The following AFF4 variants were observed in gnomAD, a reference collection of about 807,000 sequenced individuals.
AFF4 encodes AF4/FMR2 family member 4.
A neutral mutation model predicts 124.8 loss-of-function variants in AFF4; 13 were observed. That is an observed-to-expected ratio of 0.10 (90% CI 0.07 to 0.17). The LOEUF (loss-of-function observed/expected upper bound fraction) is 0.17. Ranked by LOEUF, AFF4 falls within the 10% of genes least tolerant of loss-of-function variation. The probability of loss-of-function intolerance (pLI) is 1.00; values close to 1 mark genes in which losing one functional copy is unlikely to be tolerated. For synonymous variants in AFF4, 477 were observed against 496.1 expected (o/e 0.96, Z 0.51); for missense variants, 1,092 against 1,403.8 (o/e 0.78, Z 3.55).
chr5:132,932,543 T>G (rs1761325192), intron 3 of AFF4, among the ~76,000 whole-genome samples: 1 of 152,212 alleles, frequency 6.6e-6, no homozygotes, highest in South Asian at 2.1e-4. Context: ...CTTACCTATA[T>G]ATAAAACATA....
rs375891983 is a variant in AFF4, at chr5:132,908,776, A to ATATATATT, written c.1051-4373_1051-4372insAATATATA. ...TATATACATATATATATATATATAT[A>ATATATATT]TTTTTTTTTTTTGAGACGGAATCTA... On this transcript the variant is annotated intron_variant, in intron 5 of 20. Transcript: ENST00000265343. Among the ~76,000 whole-genome samples the ATATATATT allele has an allele frequency of 2.0e-3, 232 of 114,882 alleles. 1 individual carries two copies. Among genetic ancestry groups the ATATATATT allele is most frequent in the African/African-American group, 6.6e-3 (218 of 33,200 alleles). 75.4% of individuals were successfully genotyped at this position (114,882 alleles called of 152,430 possible).
At chr5:132,952,934 C>T (rs1761879077) in intron 1 of AFF4, among the ~76,000 whole-genome samples, 1 of 152,026 alleles carries the variant, frequency 6.6e-6, no homozygotes, top group Admixed American at 6.6e-5. Context: ...TCTATGCCTA[C>T]AACCAGAATG....
At chr5:132,945,111 T>C (rs149321091) in intron 1 of AFF4, 40 of 167,684 alleles carry the variant, frequency 2.4e-4, no homozygotes, top group African/African-American at 7.1e-4. Flanking sequence ...AGTCTCAGAA[T>C]TGTTTGTTTC....
intron 1 of AFF4, among the ~76,000 whole-genome samples, chr5:132,947,212 G>A (rs1761720614): frequency 6.6e-6 from 1 of 152,010 alleles, no homozygotes; most frequent in Non-Finnish European, 1.5e-5. Flanking sequence ...AGACCAGCCT[G>A]GCCAACATGG....
intron 5 of AFF4, chr5:132,926,658 T>C: frequency 7.6e-6 from 1 of 131,698 alleles, no homozygotes; most frequent in Non-Finnish European, 1.5e-5. Flanking sequence ...CATCTCAGCC[T>C]CCCGAGTAAC....
intron 14 of AFF4, 66 bp downstream of exon 14, chr5:132,889,013 T>G: frequency 1.4e-6 from 2 of 1,464,324 alleles, no homozygotes; most frequent in South Asian, 1.2e-5. Context: ...GAAATGAAAA[T>G]GAGTTTCTTA....
intron 1 of AFF4, among the ~76,000 whole-genome samples, chr5:132,939,680 G>A (rs997753586): frequency 2.0e-5 from 3 of 152,168 alleles, no homozygotes; most frequent in African/African-American, 7.2e-5. Context: ...GCACGATCTC[G>A]GCTCACTGCA....
chr5:132,953,436 G>T (rs936350442), intron 1 of AFF4, among the ~76,000 whole-genome samples: 5 of 151,646 alleles, frequency 3.3e-5, no homozygotes, highest in African/African-American at 1.2e-4. Context: ...TTTTTGTAGA[G>T]ACAAGATCTC....
intron 3 of AFF4, among the ~76,000 whole-genome samples, chr5:132,932,972 T>C (rs1307527816): frequency 6.6e-6 from 1 of 152,226 alleles, no homozygotes; most frequent in Non-Finnish European, 1.5e-5. Context: ...GGAAAGATGT[T>C]TTAAATGTTT....
At chr5:132,955,535 T>C (rs1192793113) in intron 1 of AFF4, among the ~76,000 whole-genome samples, 2 of 151,930 alleles carry the variant, frequency 1.3e-5, no homozygotes, top group Non-Finnish European at 2.9e-5. Flanking sequence ...TCTGAACACT[T>C]TGGGAGGCCA....
At chr5:132,957,030 A>AAAAAAAAAAAAAAAAAAAAAAAG (rs1761978467) in intron 1 of AFF4, among the ~76,000 whole-genome samples, 1 of 147,038 alleles carries the variant, frequency 6.8e-6, no homozygotes. Context: ...AAAAAAAAAA[A>AAAAAAAAAAAAAAAAAAAAAAAG]AAAAAAAAAA....
At chr5:132,888,613 C>T (rs1353220564) in intron 14 of AFF4, among the ~76,000 whole-genome samples, 2 of 152,084 alleles carry the variant, frequency 1.3e-5, no homozygotes, top group Non-Finnish European at 2.9e-5. Flanking sequence ...CTAAAGGAGC[C>T]GTACTTGGAC....
At chr5:132,938,936 C>T (rs760888505) in intron 1 of AFF4, among the ~76,000 whole-genome samples, 130 of 62,266 alleles carry the variant, frequency 2.1e-3, no homozygotes, top group Middle Eastern at 0.02. Flanking sequence ...GAGAGAGACT[C>T]ATCTCAAAAA....
rs113138225 is a variant in AFF4 at position 132,892,086 on chromosome 5, C to G, written c.2637+78G>C. 9.7e-5 allele frequency: 155 copies of G among 1,602,020 alleles called. No individual in the cohort carries two copies. In the African/African-American group the frequency reaches 1.6e-3, roughly 16 times the overall value. On this transcript the variant is annotated intron_variant, in intron 13 of 20. Transcript: ENST00000265343. Reference sequence around the variant, plus strand: ...ATTTACTGAGATGTTACAATAATTTCAAAGCACAGTGTCACCCTGGAAAAG... The same window carrying G: ...ATTTACTGAGATGTTACAATAATTTGAAAGCACAGTGTCACCCTGGAAAAG...
Position 132,876,348 on chromosome 5 carries a change from A to C in AFF4, c.*4711T>G, listed in dbSNP as rs987091918. 2 of 228,630 alleles carry C rather than the reference A, an allele frequency of 8.7e-6. No individual in the cohort carries two copies. The highest frequency in any genetic ancestry group is 1.7e-5 in the Non-Finnish European group (2 of 115,000). The allele number at this position is 228,630 out of a possible 1,614,324, so 14.2% of individuals were successfully genotyped here. On this transcript the variant is annotated 3_prime_UTR_variant, in exon 21 of 21. Transcript: ENST00000265343. ...TCATGGCATTGATTTGAAAGGCAGC[A>C]TTTCCAAATTGATATTTTCCAGAGA...
chr5:132,904,432 A>G lies in AFF4; in HGVS notation c.1051-28T>C, dbSNP rs866922832. The G allele has an allele frequency of 1.7e-5, 27 of 1,582,614 alleles. 1 individual carries two copies. The Middle Eastern group carries it at 4.4e-3, about 258-fold the overall frequency. On this transcript the variant is annotated intron_variant, in intron 5 of 20. Coordinates refer to ENST00000265343, the MANE Select transcript of AFF4 (RefSeq NM_014423.4). The stretch of plus-strand genomic sequence containing the variant: ...AAGAAAAAGGAACATAAAATTATAC[A>G]AAGTTACACTAAAAAAGAAAGATTA...
chr5:132,958,958 G>A (rs532894725), intron 1 of AFF4, among the ~76,000 whole-genome samples: 1 of 152,222 alleles, frequency 6.6e-6, no homozygotes, highest in East Asian at 1.9e-4. Flanking sequence ...AATACATGAA[G>A]TTCTTTTACC....
At chr5:132,921,499 G>A (rs111633004) in intron 5 of AFF4, among the ~76,000 whole-genome samples, 16,526 of 141,068 alleles carry the variant, frequency 0.12, 1,186 homozygotes, top group South Asian at 0.19. Flanking sequence ...AGACAGTTTC[G>A]CTCTTGTTGC....
chr5:132,902,718 G>A (rs973282249), intron 6 of AFF4, among the ~76,000 whole-genome samples: 9 of 152,136 alleles, frequency 5.9e-5, no homozygotes, highest in African/African-American at 1.9e-4. Flanking sequence ...CTTCTTGAAG[G>A]GCAATCTGGT....
Sources: gnomAD v4.1 joint callset for allele counts (sites outside exome capture counted in the v4.1 genomes callset) on GRCh38, gnomAD v4.1.1 for gene constraint, MANE v1.5 for transcripts, NCBI Gene and HGNC (gene_info 2026-07-23, HGNC 2026-07-21) for gene names.